The following THAP4 variants were observed in gnomAD, a reference collection of about 807,000 sequenced individuals.
The protein encoded by THAP4 is THAP domain containing 4.
Under a neutral mutation model 48.1 loss-of-function variants are expected in THAP4, and 18 were observed. The observed-to-expected ratio is 0.37, with a 90% CI of 0.26 to 0.56. The LOEUF is 0.56. Ranked by LOEUF, THAP4 falls within the 20% of genes least tolerant of loss-of-function variation. The probability of loss-of-function intolerance (pLI) is 0.78; values close to 1 mark genes in which losing one functional copy is unlikely to be tolerated. For missense variants in THAP4, 656 were observed against 774.9 expected, an observed-to-expected ratio of 0.85 and a Z score of 1.82; for synonymous variants, 345 against 324.9, an observed-to-expected ratio of 1.06 and a Z score of -0.66.
chr2:241,613,886 T>G (rs1160333105), intron 2 of THAP4, among the ~76,000 whole-genome samples: 1 of 152,094 alleles, frequency 6.6e-6, no homozygotes, highest in Non-Finnish European at 1.5e-5. Flanking sequence ...GCATGATGGC[T>G]CATACCTATA....
chr2:241,636,671 G>C (rs534231088), intron 1 of THAP4, among the ~76,000 whole-genome samples: 41 of 152,296 alleles, frequency 2.7e-4, no homozygotes, highest in African/African-American at 9.6e-4. Context: ...CGCTTCCAGA[G>C]CGTGCGGCTT....
rs186062206 is a variant in THAP4, at chr2:241,625,655, G to A, written c.1240+7262C>T. Among the ~76,000 whole-genome samples the A allele has an allele frequency of 4.6e-3, 688 of 151,088 alleles. 2 individuals are homozygous for A. The highest frequency in any genetic ancestry group is 6.4e-3 in the Non-Finnish European group (433 of 67,704). On this transcript the variant is annotated intron_variant, in intron 2 of 5. Transcript: ENST00000407315. Reference sequence around the variant, plus strand: ...TACTAAAAAATACAAAAAATTAGCCGGGCGTCATGGCGGGCGCCTGTGGTC... The same window carrying A: ...TACTAAAAAATACAAAAAATTAGCCAGGCGTCATGGCGGGCGCCTGTGGTC...
intron 3 of THAP4, among the ~76,000 whole-genome samples, chr2:241,604,486 G>A (rs1233846462): frequency 6.6e-6 from 1 of 152,012 alleles, no homozygotes; most frequent in Non-Finnish European, 1.5e-5. Flanking sequence ...CCCAACCTCA[G>A]GTGATCTGCC....
Position 241,590,102 on chromosome 2 carries a change from G to A in THAP4, c.1615-5377C>T, listed in dbSNP as rs534659611. ...GGCACTAGGACACGCAGAGCTGCTC[G>A]GCTGACGATGATGGGCACTAGGACA... On this transcript the variant is annotated intron_variant, in intron 5 of 5. Coordinates refer to ENST00000407315, the MANE Select transcript of THAP4 (RefSeq NM_015963.6). Among the ~76,000 whole-genome samples, 296 of 150,600 alleles carry A rather than the reference G, an allele frequency of 2.0e-3. 1 individual carries two copies. Among genetic ancestry groups the A allele is most frequent in the African/African-American group, 6.8e-3 (278 of 40,604 alleles).
At chr2:241,606,167 A>T in intron 3 of THAP4, 147 bp downstream of exon 3, 3 of 627,910 alleles carry the variant, frequency 4.8e-6, no homozygotes, top group Non-Finnish European at 7.5e-6. Context: ...TTGCACATTC[A>T]GGCAAGAGGA....
chr2:241,607,296 C>T (rs1373886910), intron 2 of THAP4, among the ~76,000 whole-genome samples: 2 of 152,058 alleles, frequency 1.3e-5, no homozygotes, highest in Admixed American at 6.6e-5. Flanking sequence ...CTTCCTGCCT[C>T]GCTCAGCAAG....
At chr2:241,611,595 G>T (rs1281186165) in intron 2 of THAP4, among the ~76,000 whole-genome samples, 2 of 151,976 alleles carry the variant, frequency 1.3e-5, no homozygotes, top group Non-Finnish European at 2.9e-5. Flanking sequence ...GTGGTGGCGG[G>T]TGCCTGTAGT....
Position 241,633,550 on chromosome 2 carries a change from T to C in THAP4, c.607A>G (p.Thr203Ala). ...GTCACGCCCCCTTCGATGGAGGAAGTGGCGCTCTCATCGCCAGCATCTGTG... is the reference window on the plus strand; with the variant it reads ...GTCACGCCCCCTTCGATGGAGGAAGCGGCGCTCTCATCGCCAGCATCTGTG... ...SATDAGDESA[T>A]SSIEGGVTDK... Residue 203 changes from threonine to alanine, a missense_variant, in exon 2 of 6, where the codon ACT (threonine) becomes GCT (alanine). Thr to Ala is a moderately conservative substitution (Grantham distance 58, BLOSUM62 0). Transcript: ENST00000407315. The surrounding 1 kb of genome is among the most constrained non-coding windows in gnomAD (Gnocchi z 7.5). The C allele has an allele frequency of 6.2e-7, 1 of 1,613,970 alleles. No individual in the cohort carries two copies. Among genetic ancestry groups the C allele is most frequent in the Non-Finnish European group, 8.5e-7 (1 of 1,179,944 alleles).
rs1433998060 is a variant in THAP4, at chr2:241,610,747, G to A, written c.1241-4274C>T. Reference sequence around the variant, plus strand: ...TGTCCTCCATCCAGCGCTCCTCAGAGGGGACCGGAGAGGAGGCGCTCCTTA... The same window carrying A: ...TGTCCTCCATCCAGCGCTCCTCAGAAGGGACCGGAGAGGAGGCGCTCCTTA... On this transcript the variant is annotated intron_variant, in intron 2 of 5. Coordinates refer to ENST00000407315, the MANE Select transcript of THAP4 (RefSeq NM_015963.6). The surrounding 1 kb of genome is among the most constrained non-coding windows in gnomAD (Gnocchi z 4.2). 6.6e-6 allele frequency among the ~76,000 whole-genome samples: 1 copy of A among 152,108 alleles called. No individual in the cohort carries two copies. Among genetic ancestry groups the A allele is most frequent in the East Asian group, 1.9e-4 (1 of 5,154 alleles).
intron 5 of THAP4, 186 bp from the exon 6 acceptor site, chr2:241,584,911 C>T: frequency 1.5e-6 from 1 of 679,570 alleles, no homozygotes; most frequent in East Asian, 2.5e-5. Context: ...CCTTCAGCTG[C>T]CTCCAGAAGA....
At chr2:241,594,240 T>C (rs373636634) in intron 5 of THAP4, among the ~76,000 whole-genome samples, 18 of 152,182 alleles carry the variant, frequency 1.2e-4, no homozygotes, top group African/African-American at 4.3e-4. Context: ...TTGGGGGAGA[T>C]GGAAGTTGGG....
At chr2:241,624,435 C>T (rs1445628547) in intron 2 of THAP4, among the ~76,000 whole-genome samples, 1 of 151,546 alleles carries the variant, frequency 6.6e-6, no homozygotes, top group Non-Finnish European at 1.5e-5. Context: ...TGCAATGAGC[C>T]GAGATCGCGC....
intron 1 of THAP4, among the ~76,000 whole-genome samples, chr2:241,635,186 G>C (rs1159320839): frequency 6.6e-6 from 1 of 152,228 alleles, no homozygotes. Context: ...TCTGGAGGCT[G>C]AGATGGGAGG....
intron 2 of THAP4, among the ~76,000 whole-genome samples, chr2:241,608,784 G>A (rs2067222706): frequency 1.3e-5 from 2 of 152,234 alleles, no homozygotes; most frequent in Admixed American, 1.3e-4. Flanking sequence ...GAGGCAGAAA[G>A]GGAGACAGGG....
At chr2:241,614,722 C>A (rs1453576577) in intron 2 of THAP4, among the ~76,000 whole-genome samples, 2 of 152,036 alleles carry the variant, frequency 1.3e-5, no homozygotes, top group African/African-American at 4.8e-5. Context: ...CCCGTCTCTA[C>A]TAAAAACACA....
At position 241,601,098 on chromosome 2, in the gene THAP4, G is replaced by A. The variant is rs1193113695; in HGVS notation, c.1614+798C>T. ...ATTCAAGACCAGCCTGACCAACATG[G>A]AGAAACCCTGTCTCTACTAATAATA... On this transcript the variant is annotated intron_variant, in intron 5 of 5. Coordinates refer to ENST00000407315, the MANE Select transcript of THAP4 (RefSeq NM_015963.6). This position sits in a 1 kb window ranked among gnomAD's most constrained non-coding sequence, Gnocchi z 4.0. Among the ~76,000 whole-genome samples the A allele has an allele frequency of 2.0e-5, 3 of 152,052 alleles. No individual in the cohort carries two copies. Among genetic ancestry groups the A allele is most frequent in the Admixed American group, 1.3e-4 (2 of 15,252 alleles).
intron 2 of THAP4, among the ~76,000 whole-genome samples, chr2:241,630,322 G>A (rs1044527637): frequency 6.6e-6 from 1 of 152,126 alleles, no homozygotes; most frequent in African/African-American, 2.4e-5. Context: ...GAACACGCCA[G>A]GAACCAGAAC....
chr2:241,609,411 C>G (rs1466386655), intron 2 of THAP4, among the ~76,000 whole-genome samples: 1 of 152,210 alleles, frequency 6.6e-6, no homozygotes. Flanking sequence ...TAAACAAACA[C>G]CATAATTTCT....
At chr2:241,618,482 G>A (rs1221176775) in intron 2 of THAP4, among the ~76,000 whole-genome samples, 1 of 152,172 alleles carries the variant, frequency 6.6e-6, no homozygotes, top group Non-Finnish European at 1.5e-5. Flanking sequence ...TAATGGGTGG[G>A]GAGTAAGCTT....
Sources: allele counts gnomAD v4.1 joint callset (sites outside exome capture counted in the v4.1 genomes callset), GRCh38; gene constraint gnomAD v4.1.1; non-coding constraint Gnocchi (gnomAD v3.1); transcripts MANE v1.5; gene names NCBI Gene and HGNC (gene_info 2026-07-23, HGNC 2026-07-21).